The following DIP2C variants were observed in gnomAD, a reference collection of about 807,000 sequenced individuals.
DIP2C encodes disco-interacting protein 2 homolog C.
In DIP2C, 33 loss-of-function variants were observed where a neutral mutation model predicts 192.4. That is an observed-to-expected ratio of 0.17 (90% CI 0.13 to 0.23). The LOEUF is 0.23. Ranked by LOEUF, DIP2C falls within the 10% of genes least tolerant of loss-of-function variation. The probability of loss-of-function intolerance (pLI) is 1.00; values close to 1 mark genes in which losing one functional copy is unlikely to be tolerated. For synonymous variants in DIP2C, 979 were observed against 864.1 expected, an observed-to-expected ratio of 1.13 and a Z score of -2.33; for missense variants, 1,537 against 2,110.1, an observed-to-expected ratio of 0.73 and a Z score of 5.32.
At position 311,140 on chromosome 10, in the gene DIP2C, G is replaced by A. The variant is rs1388337438; in HGVS notation, c.3925-1048C>T. Among the ~76,000 whole-genome samples, 7 of 151,980 alleles carry A rather than the reference G, an allele frequency of 4.6e-5. No homozygotes were observed. The South Asian group carries it at 6.3e-4, about 14-fold the overall frequency. On this transcript the variant is annotated intron_variant, in intron 31 of 36. Transcript: ENST00000280886. ...AGCACATGCGAGTCAGCCTCCCGGC[G>A]GACGCTCCCAGTGACAGCTCTACCC...
At position 412,308 on chromosome 10, in the gene DIP2C, C is replaced by T. The variant is rs186523504; in HGVS notation, c.1057+1605G>A. ...AGTTCTCAGAGTGAACACATGCACC[C>T]GAACAGTTCGGCTGCTCCTGGAATT... On this transcript the variant is annotated intron_variant, in intron 8 of 36. Coordinates refer to ENST00000280886, the MANE Select transcript of DIP2C (RefSeq NM_014974.3). 2.1e-3 allele frequency among the ~76,000 whole-genome samples: 325 copies of T among 152,310 alleles called. 2 individuals are homozygous for T. The highest frequency in any genetic ancestry group is 0.014 in the Middle Eastern group (4 of 294).
intron 1 of DIP2C, among the ~76,000 whole-genome samples, chr10:586,487 C>CCCTG (rs57849743): frequency 0.31 from 46,326 of 151,814 alleles, 11,990 homozygotes; most frequent in African/African-American, 0.71. Flanking sequence ...GGCAGACCAG[C>CCCTG]CCTAAGTCCC....
intron 7 of DIP2C, 49 bp downstream of exon 7, chr10:415,720 G>A (rs1403367730): frequency 5.6e-6 from 9 of 1,596,878 alleles, no homozygotes; most frequent in South Asian, 1.1e-5. Context: ...CATTGTTTAC[G>A]GGACCATAGG....
At chr10:321,601 G>GTGTTGTTAGAA in intron 31 of DIP2C, among the ~76,000 whole-genome samples, 1 of 143,862 alleles carries the variant, frequency 7.0e-6, no homozygotes, top group South Asian at 2.3e-4. Flanking sequence ...CGAGAGACCG[G>GTGTTGTTAGAA]CGCTGTTAGA....
intron 1 of DIP2C, among the ~76,000 whole-genome samples, chr10:503,654 T>C (rs1007281005): frequency 6.6e-6 from 1 of 152,214 alleles, no homozygotes; most frequent in Non-Finnish European, 1.5e-5. Flanking sequence ...AAGAGTCATT[T>C]GAAGAACATC....
intron 26 of DIP2C, among the ~76,000 whole-genome samples, chr10:348,428 T>TC (rs1958625706): frequency 6.6e-6 from 1 of 152,112 alleles, no homozygotes; most frequent in Admixed American, 6.5e-5. Flanking sequence ...GAGGCTACCA[T>TC]CCAGCCTCTG....
At chr10:555,149 C>T (rs816650) in intron 1 of DIP2C, among the ~76,000 whole-genome samples, 25,027 of 151,834 alleles carry the variant, frequency 0.16, 3,527 homozygotes, top group African/African-American at 0.39. Context: ...TCTCTTTACC[C>T]ATATGAGACC....
At position 636,314 on chromosome 10, in the gene DIP2C, T is replaced by G. The variant is rs145192315; in HGVS notation, c.85+53180A>C. 1.2e-4 allele frequency among the ~76,000 whole-genome samples: 19 copies of G among 152,280 alleles called. No individual in the cohort carries two copies. Among genetic ancestry groups the G allele is most frequent in the African/African-American group, 4.1e-4 (17 of 41,548 alleles). On this transcript the variant is annotated intron_variant, in intron 1 of 36. Coordinates refer to ENST00000280886, the MANE Select transcript of DIP2C (RefSeq NM_014974.3). The surrounding 1 kb of genome is among the most constrained non-coding windows in gnomAD (Gnocchi z 4.6). ...TTCCCACATTTTCATTATGAAAATG[T>G]TCAAACATATTTAAAAAGTGGAAGA... is the stretch of plus-strand genomic sequence containing the variant.
chr10:595,448 G>C (rs1851646493), intron 1 of DIP2C, among the ~76,000 whole-genome samples: 1 of 152,164 alleles, frequency 6.6e-6, no homozygotes, highest in African/African-American at 2.4e-5. Context: ...ATCTCAATAT[G>C]TGTTTCCAGA....
intron 10 of DIP2C, among the ~76,000 whole-genome samples, chr10:392,903 C>T (rs952742429): frequency 6.6e-5 from 10 of 152,088 alleles, no homozygotes; most frequent in Non-Finnish European, 8.8e-5. Context: ...CACACACAGG[C>T]GCGCACACAC....
At chr10:584,946 A>AGAT (rs1850919520) in intron 1 of DIP2C, among the ~76,000 whole-genome samples, 1 of 98,152 alleles carries the variant, frequency 1.0e-5, no homozygotes, top group African/African-American at 4.2e-5. Flanking sequence ...ATCACCTCTC[A>AGAT]ATCTCGGGGC....
rs900425923 is a variant in DIP2C, at chr10:505,735, C to T, written c.86-19205G>A. On this transcript the variant is annotated intron_variant, in intron 1 of 36. Coordinates refer to ENST00000280886, the MANE Select transcript of DIP2C (RefSeq NM_014974.3). Reference sequence around the variant, plus strand: ...GACCACCTGCCCAGCTATATTTCCTCTGGGTGCACCTGACACCAGGGAGAC... The same window carrying T: ...GACCACCTGCCCAGCTATATTTCCTTTGGGTGCACCTGACACCAGGGAGAC... Among the ~76,000 whole-genome samples the T allele has an allele frequency of 1.1e-3, 168 of 151,902 alleles. 1 individual carries two copies. Among genetic ancestry groups the T allele is most frequent in the Non-Finnish European group, 4.0e-4 (27 of 67,914 alleles).
intron 1 of DIP2C, among the ~76,000 whole-genome samples, chr10:640,131 G>T (rs1481416435): frequency 1.3e-5 from 2 of 152,202 alleles, no homozygotes; most frequent in Non-Finnish European, 2.9e-5. Context: ...GCCTGTGCCT[G>T]TCCCTCCACG....
chr10:363,296 C>G lies in DIP2C; in HGVS notation c.2493G>C (p.Ser831=), dbSNP rs746711764. 7 of 1,611,602 alleles carry G rather than the reference C, an allele frequency of 4.3e-6. No individual in the cohort carries two copies. The highest frequency in any genetic ancestry group is 5.1e-6 in the Non-Finnish European group (6 of 1,179,986). The change falls in exon 21 of 37, where the codon TCG becomes TCC. Residue 831 remains serine (S), a synonymous_variant. Coordinates refer to ENST00000280886, the MANE Select transcript of DIP2C (RefSeq NM_014974.3). The surrounding 1 kb of genome is among the most constrained non-coding windows in gnomAD (Gnocchi z 5.4). ...FVYRGRIAVF[S]VTVLHDERIV... Reference sequence around the variant, plus strand: ...TCCTCTCGTCGTGCAGCACGGTCACCGAGAACACGGCTATCCTGCGGGGAC... The same window carrying G: ...TCCTCTCGTCGTGCAGCACGGTCACGGAGAACACGGCTATCCTGCGGGGAC...
intron 1 of DIP2C, among the ~76,000 whole-genome samples, chr10:605,433 G>GA (rs1318234936): frequency 2.6e-5 from 4 of 152,170 alleles, no homozygotes; most frequent in Admixed American, 2.6e-4. Flanking sequence ...ATTCCTTACA[G>GA]AAAAACTACC....
chr10:501,331 A>C (rs1588313324), intron 1 of DIP2C, among the ~76,000 whole-genome samples: 1 of 67,772 alleles, frequency 1.5e-5, no homozygotes, highest in Non-Finnish European at 5.3e-5. Context: ...AATATACTTT[A>C]TTTAGAAGGC....
In DIP2C at chr10:407,763, G is replaced by A. The variant is rs117112479; in HGVS notation, c.1149+1163C>T. On this transcript the variant is annotated intron_variant, in intron 9 of 36. Coordinates refer to ENST00000280886, the MANE Select transcript of DIP2C (RefSeq NM_014974.3). ...ACTCAAGTCTCTGGCCCATTTAAACGTTTTTGTTGTTGTTGCTTTTTTTGG... is the reference window on the plus strand; with the variant it reads ...ACTCAAGTCTCTGGCCCATTTAAACATTTTTGTTGTTGTTGCTTTTTTTGG... 2.2e-3 allele frequency among the ~76,000 whole-genome samples: 328 copies of A among 152,220 alleles called. 2 individuals are homozygous for A. The highest frequency in any genetic ancestry group is 3.0e-3 in the Non-Finnish European group (206 of 68,022).
Position 446,974 on chromosome 10 carries a change from G to C in DIP2C, c.269-5978C>G, listed in dbSNP as rs182357718. On this transcript the variant is annotated intron_variant, in intron 3 of 36. Transcript: ENST00000280886. Reference sequence around the variant, plus strand: ...TATTCATATCCCTTTTACATATTTTGGGTTTGATGTAGTAATAATTTGTAA... The same window carrying C: ...TATTCATATCCCTTTTACATATTTTCGGTTTGATGTAGTAATAATTTGTAA... Among the ~76,000 whole-genome samples, 248 of 152,280 alleles carry C rather than the reference G, an allele frequency of 1.6e-3. 3 individuals are homozygous for C. Among genetic ancestry groups the C allele is most frequent in the African/African-American group, 5.7e-3 (238 of 41,554 alleles).
At chr10:305,993 A>ATATG (rs958069491) in intron 32 of DIP2C, among the ~76,000 whole-genome samples, 1 of 142,700 alleles carries the variant, frequency 7.0e-6, no homozygotes, top group African/African-American at 2.6e-5. Context: ...ATATATATAT[A>ATATG]TTATATTTTT....
Sources: gnomAD v4.1 joint callset for allele counts (sites outside exome capture counted in the v4.1 genomes callset) on GRCh38, gnomAD v4.1.1 for gene constraint, Gnocchi (gnomAD v3.1) non-coding constraint, MANE v1.5 for transcripts, NCBI Gene and HGNC (gene_info 2026-07-23, HGNC 2026-07-21) for gene names.